ELOVL7: variants seen among roughly 807,000 people sequenced by gnomAD.
The protein encoded by ELOVL7 is very long chain fatty acid elongase 7.
ELOVL7 carries 27 observed loss-of-function variants against 35.7 expected under a neutral mutation model. The observed-to-expected ratio is 0.76, with a 90% confidence interval of 0.56 to 1.04. The LOEUF is 1.04. ELOVL7 is among the 50% of genes least tolerant of loss of function. The pLI is 0.00. For synonymous variants in ELOVL7, 113 were observed against 114.6 expected (o/e 0.99, Z 0.09); for missense variants, 327 against 340.8 (o/e 0.96, Z 0.32).
intron 1 of ELOVL7, among the ~76,000 whole-genome samples, chr5:60,824,960 C>CT (rs879496279): frequency 1.7e-3 from 240 of 137,868 alleles, no homozygotes; most frequent in Admixed American, 5.6e-3. Context: ...CTTCTCACTT[C>CT]TTTTTTTTTT....
Position 60,802,116 on chromosome 5 carries a change from AT to A in ELOVL7, c.-85-2887del, listed in dbSNP as rs2112290148. ...TATATATATATATATATATATATATATACACACACACACACACACATATATC... is the reference window on the plus strand; with the variant it reads ...TATATATATATATATATATATATATAACACACACACACACACACATATATC... On this transcript the variant is annotated intron_variant, in intron 1 of 8. Transcript: ENST00000508821. Among the ~76,000 whole-genome samples, 2 of 8,614 alleles carry A rather than the reference AT, an allele frequency of 2.3e-4. 1 individual carries two copies. The highest frequency in any genetic ancestry group is 4.8e-3 in the South Asian group (2 of 416). 5.7% of individuals were successfully genotyped at this position (8,614 alleles called of 152,430 possible).
intron 3 of ELOVL7, among the ~76,000 whole-genome samples, chr5:60,782,690 TA>T (rs1229270281): frequency 6.6e-6 from 1 of 152,124 alleles, no homozygotes; most frequent in Non-Finnish European, 1.5e-5. Flanking sequence ...CTAAGTAAGA[TA>T]AACCAGGCAC....
chr5:60,784,867 G>A (rs1430756544), intron 3 of ELOVL7, among the ~76,000 whole-genome samples: 1 of 152,116 alleles, frequency 6.6e-6, no homozygotes, highest in Admixed American at 6.5e-5. Context: ...ATTATGTAAA[G>A]AAAACAATTT....
intron 1 of ELOVL7, among the ~76,000 whole-genome samples, chr5:60,807,530 GA>G (rs35448485): frequency 2.1e-4 from 31 of 145,246 alleles, no homozygotes; most frequent in African/African-American, 2.5e-4. Context: ...TTCATTTGAT[GA>G]AAAAAAAAAA....
At chr5:60,825,405 C>T (rs1303930195) in intron 1 of ELOVL7, among the ~76,000 whole-genome samples, 8 of 152,196 alleles carry the variant, frequency 5.3e-5, no homozygotes, top group Non-Finnish European at 8.8e-5. Context: ...CTTTATTTTT[C>T]TGCATCGTAC....
At chr5:60,760,661 A>G (rs2112135212) in intron 7 of ELOVL7, among the ~76,000 whole-genome samples, 1 of 152,212 alleles carries the variant, frequency 6.6e-6, no homozygotes. Context: ...CCATTTGTCA[A>G]TTTTGGCTTT....
chr5:60,774,764 CTT>C (rs1441731287), intron 3 of ELOVL7, among the ~76,000 whole-genome samples: 11 of 136,686 alleles, frequency 8.0e-5, no homozygotes, highest in Admixed American at 7.4e-5. Context: ...ATAAAACTCT[CTT>C]TTTTTTTTTT....
chr5:60,831,071 A>G (rs1179768645), intron 1 of ELOVL7, among the ~76,000 whole-genome samples: 2 of 152,230 alleles, frequency 1.3e-5, no homozygotes, highest in Non-Finnish European at 2.9e-5. Context: ...TGTTTATTAC[A>G]TAAATGAATG....
chr5:60,768,705 C>T (rs1354441110), intron 4 of ELOVL7: 3 of 455,930 alleles, frequency 6.6e-6, no homozygotes, highest in South Asian at 4.7e-5. Flanking sequence ...AAAGGAAAAG[C>T]CAAGGGCTCT....
At chr5:60,786,434 T>C (rs1453207330) in intron 3 of ELOVL7, among the ~76,000 whole-genome samples, 2 of 152,078 alleles carry the variant, frequency 1.3e-5, no homozygotes, top group South Asian at 2.1e-4. Context: ...ATGAAAGAAA[T>C]GTATGGAGTA....
chr5:60,784,796 A>G (rs539394361), intron 3 of ELOVL7, among the ~76,000 whole-genome samples: 75 of 152,368 alleles, frequency 4.9e-4, no homozygotes, highest in Non-Finnish European at 9.0e-4. Flanking sequence ...AGCGTTTTTT[A>G]TAAAGCTGTA....
intron 7 of ELOVL7, among the ~76,000 whole-genome samples, chr5:60,760,908 A>G (rs1741870655): frequency 2.0e-5 from 3 of 152,188 alleles, no homozygotes; most frequent in African/African-American, 7.2e-5. Flanking sequence ...GATCTTAGAC[A>G]CAGGGATTTA....
intron 1 of ELOVL7, among the ~76,000 whole-genome samples, chr5:60,816,054 AC>A (rs1486203893): frequency 2.0e-5 from 3 of 152,172 alleles, no homozygotes; most frequent in African/African-American, 7.2e-5. Flanking sequence ...TCTATTACCT[AC>A]AAAATGGAGA....
intron 8 of ELOVL7, among the ~76,000 whole-genome samples, chr5:60,756,202 T>C (rs1741530861): frequency 6.6e-6 from 1 of 152,056 alleles, no homozygotes; most frequent in Non-Finnish European, 1.5e-5. Context: ...TTCACGTTAT[T>C]AAAAAGTTTG....
intron 8 of ELOVL7, 135 bp downstream of exon 8, chr5:60,757,374 A>G (rs765090198): frequency 1.4e-6 from 1 of 737,756 alleles, no homozygotes; most frequent in Non-Finnish European, 2.1e-6. Flanking sequence ...CCATGATGGC[A>G]TATCATGTAG....
intron 1 of ELOVL7, among the ~76,000 whole-genome samples, chr5:60,824,414 G>A (rs1746053905): frequency 6.6e-6 from 1 of 152,196 alleles, no homozygotes; most frequent in African/African-American, 2.4e-5. Flanking sequence ...TGGGATTGAA[G>A]CGAAGAACAA....
At chr5:60,779,532 A>T (rs1296532720) in intron 3 of ELOVL7, among the ~76,000 whole-genome samples, 2 of 152,160 alleles carry the variant, frequency 1.3e-5, no homozygotes, top group Non-Finnish European at 2.9e-5. Context: ...CCCAAGCTGC[A>T]CCTTGGCCCT....
chr5:60,833,005 T>C (rs1269481085), intron 1 of ELOVL7, among the ~76,000 whole-genome samples: 5 of 152,152 alleles, frequency 3.3e-5, no homozygotes, highest in African/African-American at 1.2e-4. Flanking sequence ...TCTGTACTTG[T>C]AACATGGGGG....
intron 1 of ELOVL7, among the ~76,000 whole-genome samples, chr5:60,825,085 A>G (rs1213212540): frequency 1.3e-5 from 2 of 151,712 alleles, no homozygotes; most frequent in African/African-American, 4.9e-5. Flanking sequence ...CTTCCCAAGT[A>G]CCTGGGACTA....
Sources: gnomAD v4.1 joint callset for allele counts (sites outside exome capture counted in the v4.1 genomes callset) on GRCh38, gnomAD v4.1.1 for gene constraint, MANE v1.5 for transcripts, NCBI Gene and HGNC (gene_info 2026-07-23, HGNC 2026-07-21) for gene names.